Variants in POLR3C observed in about 807,000 individuals in gnomAD.
POLR3C encodes RNA polymerase III subunit C, also known as DNA-directed RNA polymerase III subunit RPC3.
A neutral mutation model predicts 65.9 loss-of-function variants in POLR3C; 44 were observed. The observed-to-expected ratio is 0.67, with a 90% CI of 0.52 to 0.86. POLR3C has a LOEUF of 0.86. Ranked by LOEUF, POLR3C falls within the 40% of genes least tolerant of loss-of-function variation. The probability of loss-of-function intolerance (pLI) is 0.00; values close to 1 mark genes in which losing one functional copy is unlikely to be tolerated. For synonymous variants in POLR3C, 263 were observed against 231.6 expected (o/e 1.14, Z -1.23); for missense variants, 576 against 653.2 (o/e 0.88, Z 1.29).
At position 145,842,511 on chromosome 1, in the gene POLR3C, C is replaced by T. The variant is rs112908826; in HGVS notation, c.*91C>T. ...ATGCATTATTTGCAGTGGGATAAGTCGCAGAGTCTTCAACTAAACCCCCCT... is the reference window on the plus strand; with the variant it reads ...ATGCATTATTTGCAGTGGGATAAGTTGCAGAGTCTTCAACTAAACCCCCCT... On this transcript the variant is annotated 3_prime_UTR_variant, in exon 15 of 15. Transcript: ENST00000334163. 47 of 867,604 alleles carry T rather than the reference C, an allele frequency of 5.4e-5. No homozygotes were observed. Among genetic ancestry groups the T allele is most frequent in the African/African-American group, 9.8e-5 (6 of 60,960 alleles). The allele number at this position is 867,604 out of a possible 1,614,324, so 53.7% of individuals were successfully genotyped here. A position where few individuals can be genotyped will look rare whatever the true frequency, so the allele number is the denominator to read the frequency against.
At chr1:145,825,954 T>C (rs1553725663) in intron 2 of POLR3C, 31 bp downstream of exon 2, 1 of 1,541,890 alleles carries the variant, frequency 6.5e-7, no homozygotes, top group African/African-American at 1.4e-5. Context: ...TTTTCTCTCA[T>C]TTCTTTCACT....
intron 7 of POLR3C, among the ~76,000 whole-genome samples, chr1:145,835,473 C>T (rs1251709485): frequency 2.0e-5 from 3 of 151,188 alleles, no homozygotes; most frequent in Non-Finnish European, 4.4e-5. Context: ...TGGTATATAT[C>T]TTTATTCAGA....
chr1:145,825,855 C>T lies in POLR3C; in HGVS notation c.79C>T (p.His27Tyr), dbSNP rs1369893527. 2.5e-6 allele frequency: 4 copies of T among 1,613,166 alleles called. No homozygotes were observed. The African/African-American group carries it at 4.0e-5, about 16-fold the overall frequency. The part of the protein sequence containing the change: ...FGEIVEKIGV[H>Y]LIRTGSQPLR... ...AGAGATTGTAGAAAAAATTGGAGTC[C>T]ATCTGATAAGAACCGGCAGCCAGCC... Residue 27 changes from histidine (H) to tyrosine (Y), a missense_variant, in exon 2 of 15, where the codon CAT becomes TAT. By Grantham distance (83) the His-to-Tyr change is moderately conservative. Coordinates refer to ENST00000334163, the MANE Select transcript of POLR3C (RefSeq NM_006468.8).
At chr1:145,835,649 A>C (rs920485063) in intron 7 of POLR3C, among the ~76,000 whole-genome samples, 4 of 151,576 alleles carry the variant, frequency 2.6e-5, no homozygotes, top group Non-Finnish European at 5.9e-5. Flanking sequence ...ATCTCAGCTC[A>C]CTGCAACCTC....
At chr1:145,836,072 C>A (rs11587821) in intron 7 of POLR3C, among the ~76,000 whole-genome samples, 43,944 of 151,096 alleles carry the variant, frequency 0.29, 7,230 homozygotes, top group Non-Finnish European at 0.37. Flanking sequence ...TACAAACAAT[C>A]CTGCTGTGAA....
At position 145,825,766 on chromosome 1, in the gene POLR3C, TC is replaced by T; in HGVS notation, c.-7del. Reference sequence around the variant, plus strand: ...GGTGTTTTTTCCCTAGCTCTCAGACTCCCCAGTACAATGACTCAAGCAGAAA... The same window carrying T: ...GGTGTTTTTTCCCTAGCTCTCAGACTCCCAGTACAATGACTCAAGCAGAAA... On this transcript the variant is annotated 5_prime_UTR_variant, in exon 2 of 15. Coordinates refer to ENST00000334163, the MANE Select transcript of POLR3C (RefSeq NM_006468.8). 1 of 1,603,712 alleles carries T rather than the reference TC, an allele frequency of 6.2e-7. No individual in the cohort carries two copies. Among genetic ancestry groups the T allele is most frequent in the Non-Finnish European group, 8.5e-7 (1 of 1,173,820 alleles).
In POLR3C at chr1:145,844,182, G is replaced by T. The variant is rs782021526; in HGVS notation, c.*1762G>T. Among the ~76,000 whole-genome samples the T allele has an allele frequency of 1.3e-5, 2 of 152,142 alleles. No homozygotes were observed. Among genetic ancestry groups the T allele is most frequent in the South Asian group, 2.1e-4 (1 of 4,834 alleles). ...GTATATATATATCTCCAAAAGGAAA[G>T]AAATCAATGTATCAAAAAGATACCT... On this transcript the variant is annotated 3_prime_UTR_variant, in exon 15 of 15. Transcript: ENST00000334163.
chr1:145,837,720 A>C (rs781900282), intron 10 of POLR3C, 124 bp downstream of exon 10: 3 of 760,622 alleles, frequency 3.9e-6, no homozygotes, highest in Non-Finnish European at 7.1e-6. Context: ...TTTTCACTGG[A>C]CTCCTATGGA....
At chr1:145,832,784 G>A (rs1485521633) in intron 5 of POLR3C, among the ~76,000 whole-genome samples, 2 of 152,176 alleles carry the variant, frequency 1.3e-5, no homozygotes, top group Non-Finnish European at 2.9e-5. Flanking sequence ...AGCACTTGGA[G>A]TCCGAGGCAG....
At chr1:145,827,134 T>A in intron 4 of POLR3C, 129 bp downstream of exon 4, 1 of 781,926 alleles carries the variant, frequency 1.3e-6, no homozygotes, top group Non-Finnish European at 2.1e-6. Context: ...TGTATAACAA[T>A]GAAAAAATCA....
intron 5 of POLR3C, among the ~76,000 whole-genome samples, chr1:145,830,270 C>T (rs1378226407): frequency 6.7e-6 from 1 of 150,030 alleles, no homozygotes; most frequent in Non-Finnish European, 1.5e-5. Context: ...AAGGAGAAAA[C>T]CCAGTTACTC....
chr1:145,833,232 T>G, intron 5 of POLR3C, 28 bp from the exon 6 acceptor site: 4 of 1,386,216 alleles, frequency 2.9e-6, no homozygotes, highest in Non-Finnish European at 4.1e-6. Context: ...ACACTATAGC[T>G]AAATGTTTCT....
intron 5 of POLR3C, among the ~76,000 whole-genome samples, chr1:145,832,438 G>T (rs953585020): frequency 2.0e-5 from 3 of 152,172 alleles, no homozygotes; most frequent in Non-Finnish European, 2.9e-5. Flanking sequence ...GATGTTAGAG[G>T]ACAGGGTAAA....
intron 10 of POLR3C, 37 bp downstream of exon 10, chr1:145,837,633 T>C (rs1553729150): frequency 7.7e-7 from 1 of 1,291,634 alleles, no homozygotes; most frequent in Non-Finnish European, 1.1e-6. Flanking sequence ...GATCACATAC[T>C]TCCTATCCCC....
chr1:145,833,205 C>T (rs1290593600), intron 5 of POLR3C, 55 bp from the exon 6 acceptor site: 5 of 982,702 alleles, frequency 5.1e-6, no homozygotes, highest in Admixed American at 4.2e-5. Context: ...AATCCAAGCT[C>T]CTCACCAGAA....
At chr1:145,825,980 C>G in intron 2 of POLR3C, 57 bp downstream of exon 2, 1 of 1,372,802 alleles carries the variant, frequency 7.3e-7, no homozygotes, top group Non-Finnish European at 1.0e-6. Flanking sequence ...ATTTCACCCA[C>G]CTTTGAATAT....
intron 13 of POLR3C, 149 bp from the exon 14 acceptor site, chr1:145,840,773 A>G (rs1233773858): frequency 7.4e-6 from 4 of 539,518 alleles, no homozygotes; most frequent in South Asian, 3.4e-5. Context: ...TATATTTCCA[A>G]ATAAGTTTGT....
intron 14 of POLR3C, 28 bp from the exon 15 acceptor site, chr1:145,842,311 T>C: frequency 1.4e-6 from 2 of 1,411,824 alleles, no homozygotes; most frequent in South Asian, 2.3e-5. Flanking sequence ...ACATTCAGTC[T>C]AGGCAAATGC....
At chr1:145,840,701 C>T (rs782660260) in intron 13 of POLR3C, among the ~76,000 whole-genome samples, 22 of 152,046 alleles carry the variant, frequency 1.4e-4, no homozygotes, top group Non-Finnish European at 2.8e-4. Context: ...TTGTGAGAAA[C>T]GTACAAAAGC....
Sources: allele counts gnomAD v4.1 joint callset (sites outside exome capture counted in the v4.1 genomes callset), GRCh38; gene constraint gnomAD v4.1.1; transcripts MANE v1.5; gene names NCBI Gene and HGNC (gene_info 2026-07-23, HGNC 2026-07-21).